The following DNAH2 variants were observed in gnomAD, a reference collection of about 807,000 sequenced individuals.
DNAH2 encodes the protein dynein axonemal heavy chain 2.
In DNAH2, 323 loss-of-function variants were observed where a neutral mutation model predicts 523.5. That is an observed-to-expected ratio of 0.62 (90% CI 0.56 to 0.68). DNAH2 has a LOEUF of 0.68. Ranked by LOEUF, DNAH2 falls within the 30% of genes least tolerant of loss-of-function variation. DNAH2 has a pLI of 0.00. For missense variants in DNAH2, 4,907 were observed against 5,701.5 expected (o/e 0.86, Z 4.49); for synonymous variants, 2,093 against 2,177.4 (o/e 0.96, Z 1.08).
intron 48 of DNAH2, 87 bp downstream of exon 48, chr17:7,793,292 T>C (rs2151275512): frequency 7.3e-7 from 1 of 1,370,520 alleles, no homozygotes. Flanking sequence ...CAGGCTATGG[T>C]CCTGTCATCT....
intron 56 of DNAH2, among the ~76,000 whole-genome samples, chr17:7,799,769 G>C (rs189920691): frequency 2.0e-5 from 3 of 151,516 alleles, no homozygotes; most frequent in African/African-American, 7.3e-5. Context: ...AGTGAGCCGA[G>C]ATCACACCAC....
intron 63 of DNAH2, among the ~76,000 whole-genome samples, chr17:7,815,207 C>T (rs1478824234): frequency 6.6e-6 from 1 of 152,240 alleles, no homozygotes; most frequent in East Asian, 1.9e-4. Flanking sequence ...GTGTGCCTTG[C>T]ACCGTGCCAT....
intron 32 of DNAH2, 61 bp from the exon 33 acceptor site, chr17:7,777,385 G>A: frequency 6.3e-7 from 1 of 1,591,416 alleles, no homozygotes. Flanking sequence ...AGGGGCAAGG[G>A]TTGATCAGGC....
chr17:7,774,901 G>T lies in DNAH2; in HGVS notation c.4644G>T (p.Gln1548His). Residue 1548 changes from glutamine (Q) to histidine (H), a missense_variant, in exon 29 of 86, where the codon CAG (glutamine) becomes CAT (histidine). Transcript: ENST00000572933. Reference sequence around the variant, plus strand: ...ATGACCTGCTGGAGATTCTGGGCCAGTCCCGAAACCCAGAGGCTGTGCAGC... The same window carrying T: ...ATGACCTGCTGGAGATTCTGGGCCATTCCCGAAACCCAGAGGCTGTGCAGC... ...SNDDLLEILGQSRNPEAVQPH... is the reference protein window; with the variant it reads ...SNDDLLEILGHSRNPEAVQPH... 1 of 1,614,220 alleles carries T rather than the reference G, an allele frequency of 6.2e-7. No homozygotes were observed. The highest frequency in any genetic ancestry group is 8.5e-7 in the Non-Finnish European group (1 of 1,180,044).
At chr17:7,724,737 T>C (rs942256890) in intron 3 of DNAH2, among the ~76,000 whole-genome samples, 1 of 108,180 alleles carries the variant, frequency 9.2e-6, no homozygotes, top group Admixed American at 1.2e-4. Context: ...CTTTATCATA[T>C]GTTACTTTTT....
At chr17:7,787,787 T>G in intron 42 of DNAH2, 73 bp from the exon 43 acceptor site, 2 of 1,474,558 alleles carry the variant, frequency 1.4e-6, no homozygotes, top group Non-Finnish European at 1.8e-6. Context: ...GCATCCGAGT[T>G]CCGGGTGTTT....
intron 39 of DNAH2, among the ~76,000 whole-genome samples, chr17:7,783,200 C>A (rs1160935988): frequency 6.6e-6 from 1 of 152,160 alleles, no homozygotes; most frequent in East Asian, 1.9e-4. Context: ...GCCTCAGCCT[C>A]CCGAGTAGCT....
chr17:7,813,801 G>A (rs2151315747), intron 63 of DNAH2, among the ~76,000 whole-genome samples: 1 of 151,972 alleles, frequency 6.6e-6, no homozygotes, highest in South Asian at 2.1e-4. Flanking sequence ...CCAGCTACTC[G>A]GAAGGCTGAG....
rs2077330394 is a variant in DNAH2, at chr17:7,805,050, G to A, written c.9276G>A (p.Leu3092=). ...DNAQKDLEEA[L]PALEEAMRAL... ...CCCAGAAAGATCTAGAAGAGGCACT[G>A]CCCGCCCTGGAAGAGGCCATGCGGG... The change falls in exon 60 of 86, where the codon CTG becomes CTA. Residue 3092 remains leucine (L), a synonymous_variant. Coordinates refer to ENST00000572933, the MANE Select transcript of DNAH2 (RefSeq NM_020877.5). 6.2e-7 allele frequency: 1 copy of A among 1,614,108 alleles called. No homozygotes were observed. Among genetic ancestry groups the A allele is most frequent in the Non-Finnish European group, 8.5e-7 (1 of 1,180,004 alleles).
chr17:7,780,906 T>G lies in DNAH2; in HGVS notation c.6003+124T>G. On this transcript the variant is annotated intron_variant, in intron 38 of 85. Transcript: ENST00000572933. This position sits in a 1 kb window ranked among gnomAD's most constrained non-coding sequence, Gnocchi z 4.4. ...ATTCTCACCTTCCCACCTCGTCCCA[T>G]CCCCGTGTTGCCCGCTGCTTTGCTA... 1.3e-6 allele frequency: 2 copies of G among 1,580,032 alleles called. No homozygotes were observed. The highest frequency in any genetic ancestry group is 1.7e-6 in the Non-Finnish European group (2 of 1,159,392).
chr17:7,739,274 T>C (rs1402268165), intron 8 of DNAH2, among the ~76,000 whole-genome samples: 1 of 152,074 alleles, frequency 6.6e-6, no homozygotes, highest in Non-Finnish European at 1.5e-5. Context: ...GGCCTGGTGG[T>C]GCATACCTGT....
At chr17:7,766,983 C>T (rs1217869478) in intron 22 of DNAH2, among the ~76,000 whole-genome samples, 2 of 152,030 alleles carry the variant, frequency 1.3e-5, no homozygotes, top group Admixed American at 1.3e-4. Flanking sequence ...CAATTCGTGA[C>T]GTTTAGTAAT....
chr17:7,770,208 A>G, intron 24 of DNAH2, 44 bp from the exon 25 acceptor site: 2 of 1,538,516 alleles, frequency 1.3e-6, no homozygotes, highest in Non-Finnish European at 1.7e-6. Context: ...CAATGGAGTG[A>G]TGGTAACTCT....
chr17:7,776,643 C>G, intron 31 of DNAH2, 136 bp from the exon 32 acceptor site: 1 of 635,716 alleles, frequency 1.6e-6, no homozygotes, highest in Non-Finnish European at 2.8e-6. Flanking sequence ...GACCTGAGGC[C>G]CATGTCCCAT....
At chr17:7,817,898 G>GT (rs1555573055) in intron 67 of DNAH2, 42 bp downstream of exon 67, 1 of 1,613,910 alleles carries the variant, frequency 6.2e-7, no homozygotes, top group South Asian at 1.1e-5. Context: ...CCTTCCTGAG[G>GT]CCCCACCTCT....
intron 8 of DNAH2, chr17:7,737,903 C>T: frequency 2.9e-6 from 2 of 693,184 alleles, no homozygotes; most frequent in Non-Finnish European, 5.3e-6. Flanking sequence ...CAGGGGGATG[C>T]AGAGAAGGAG....
At position 7,819,312 on chromosome 17, in the gene DNAH2, G is replaced by A; in HGVS notation, c.10919G>A (p.Ser3640Asn). ...CAGTTCTCACTGGATGCCTACATCA[G>A]CCTCTTTATTCTCAGCATTGACAAA... The part of the protein sequence containing the change: ...MYQFSLDAYI[S>N]LFILSIDKSH... The change falls in exon 72 of 86, where the codon AGC (serine) becomes AAC (asparagine). Residue 3640 changes from serine (S) to asparagine (N), a missense_variant. Around this residue, in one of 3 missense-constraint regions of DNAH2, gnomAD observed 1,851 missense variants for 2,139.4 expected, o/e 0.87. Coordinates refer to ENST00000572933, the MANE Select transcript of DNAH2 (RefSeq NM_020877.5). 6.2e-7 allele frequency: 1 copy of A among 1,614,210 alleles called. No individual in the cohort carries two copies. The highest frequency in any genetic ancestry group is 1.3e-5 in the African/African-American group (1 of 75,060).
In DNAH2 at chr17:7,777,452, A is replaced by G. The variant is rs1421710379; in HGVS notation, c.5065A>G (p.Ile1689Val). 2 of 1,614,044 alleles carry G rather than the reference A, an allele frequency of 1.2e-6. No homozygotes were observed. The highest frequency in any genetic ancestry group is 3.3e-5 in the Admixed American group (2 of 60,000). The change falls in exon 33 of 86, where the codon ATC becomes GTC. Residue 1689 changes from isoleucine to valine, a missense_variant. Transcript: ENST00000572933. ...LKVMKKNQVSILNKYSEAIRG... is the reference protein window; with the variant it reads ...LKVMKKNQVSVLNKYSEAIRG... Reference sequence around the variant, plus strand: ...CTGCTGCTTCATGCCACAGGTGTCAATCCTGAATAAGTATTCAGAAGCCAT... The same window carrying G: ...CTGCTGCTTCATGCCACAGGTGTCAGTCCTGAATAAGTATTCAGAAGCCAT...
rs1335465390 is a variant in DNAH2 at position 7,786,335 on chromosome 17, T to C, written c.6341T>C (p.Ile2114Thr). 1.2e-6 allele frequency: 2 copies of C among 1,612,042 alleles called. No homozygotes were observed. The highest frequency in any genetic ancestry group is 1.7e-5 in the Admixed American group (1 of 59,992). Residue 2114 changes from isoleucine (I) to threonine (T), a missense_variant, in exon 40 of 86, where the codon ATT (isoleucine) becomes ACT (threonine). This residue lies in a region of DNAH2 where 2,806 missense variants were observed against 3,190.8 expected (regional missense o/e 0.88). Transcript: ENST00000572933. This position sits in a 1 kb window ranked among gnomAD's most constrained non-coding sequence, Gnocchi z 7.5. ...CGCGCCGGAGACCCTAACTTCAACA[T>C]TGTTAGAGTACGGGGCTGGGACAGT... ...LCRAGDPNFN[I>T]VREFPLNPKA...
Sources: allele counts gnomAD v4.1 joint callset (sites outside exome capture counted in the v4.1 genomes callset), GRCh38; gene constraint gnomAD v4.1.1; regional missense constraint gnomAD v4.1.1; non-coding constraint Gnocchi (gnomAD v3.1); transcripts MANE v1.5; gene names NCBI Gene and HGNC (gene_info 2026-07-23, HGNC 2026-07-21).